Variants in CTNNA3 observed in about 807,000 individuals in gnomAD.
CTNNA3 encodes the protein catenin alpha-3.
In CTNNA3, 76 loss-of-function variants were observed where a neutral mutation model predicts 95.7. The ratio of observed to expected loss-of-function variants is 0.79; its 90% CI spans 0.66 to 0.96. CTNNA3 has a LOEUF of 0.96. CTNNA3 is among the 40% of genes least tolerant of loss of function. The pLI, the probability that CTNNA3 is intolerant of heterozygous loss-of-function variation, is 0.00. For missense variants in CTNNA3, 1,191 were observed against 1,089.8 expected (o/e 1.09, Z -1.31); for synonymous variants, 431 against 374.4 (o/e 1.15, Z -1.74).
chr10:67,589,330 ATCT>A (rs1842727314), intron 3 of CTNNA3, among the ~76,000 whole-genome samples: 1 of 152,136 alleles, frequency 6.6e-6, no homozygotes, highest in African/African-American at 2.4e-5. Context: ...CCCAGGACAT[ATCT>A]TATTTATTTT....
At chr10:67,444,839 T>C (rs182607022) in intron 5 of CTNNA3, among the ~76,000 whole-genome samples, 4 of 152,066 alleles carry the variant, frequency 2.6e-5, no homozygotes, top group Admixed American at 1.3e-4. Flanking sequence ...CTACCAAGAT[T>C]GAACCACAAG....
chr10:66,378,131 C>A (rs1383733062), intron 12 of CTNNA3, among the ~76,000 whole-genome samples: 1 of 152,150 alleles, frequency 6.6e-6, no homozygotes, highest in Non-Finnish European at 1.5e-5. Flanking sequence ...GACCTAGTCT[C>A]TAGTGAATAT....
intron 7 of CTNNA3, among the ~76,000 whole-genome samples, chr10:66,804,116 T>G (rs1230440434): frequency 6.6e-6 from 1 of 152,014 alleles, no homozygotes; most frequent in Non-Finnish European, 1.5e-5. Flanking sequence ...TACTGCCTAC[T>G]ATAATTGGCT....
chr10:65,912,733 G>T lies in CTNNA3; in HGVS notation c.*7597C>A, dbSNP rs1396419573. ...ATCATTGATTCAGTTAAACACAAAAGACATGCAGGGTCTCAAACAAGGAGT... is the reference window on the plus strand; with the variant it reads ...ATCATTGATTCAGTTAAACACAAAATACATGCAGGGTCTCAAACAAGGAGT... On this transcript the variant is annotated 3_prime_UTR_variant, in exon 18 of 18. Transcript: ENST00000433211. 1.3e-5 allele frequency: 2 copies of T among 152,112 alleles called. No individual in the cohort carries two copies. Among genetic ancestry groups the T allele is most frequent in the East Asian group, 3.9e-4 (2 of 5,194 alleles). 9.4% of individuals were successfully genotyped at this position (152,112 alleles called of 1,614,324 possible).
At position 66,203,787 on chromosome 10, in the gene CTNNA3, G is replaced by A. The variant is rs2087584575; in HGVS notation, c.1884+76683C>T. Among the ~76,000 whole-genome samples, 3 of 152,048 alleles carry A rather than the reference G, an allele frequency of 2.0e-5. No individual in the cohort carries two copies. In the South Asian group the frequency reaches 6.2e-4, roughly 31 times the overall value. On this transcript the variant is annotated intron_variant, in intron 13 of 17. Transcript: ENST00000433211. ...TTTTAGCATAATTTATTCATTAACT[G>A]AAATTCAAATGTAAATCAAGGTTTT...
intron 7 of CTNNA3, among the ~76,000 whole-genome samples, chr10:67,013,289 A>C (rs1464381417): frequency 6.6e-6 from 1 of 151,728 alleles, no homozygotes; most frequent in Non-Finnish European, 1.5e-5. Context: ...TTCAAAATTA[A>C]AGTTGTATAT....
At chr10:66,814,266 GAAAA>G (rs71035182) in intron 7 of CTNNA3, among the ~76,000 whole-genome samples, 3 of 137,120 alleles carry the variant, frequency 2.2e-5, no homozygotes, top group African/African-American at 2.7e-5. Context: ...AAGGAGGAAA[GAAAA>G]AAAAAAAAAA....
intron 12 of CTNNA3, among the ~76,000 whole-genome samples, chr10:66,372,926 T>C (rs1003378041): frequency 2.6e-5 from 4 of 152,164 alleles, no homozygotes; most frequent in African/African-American, 9.7e-5. Flanking sequence ...AAAATGAGAT[T>C]TGGGTGGGGA....
At position 67,246,872 on chromosome 10, in the gene CTNNA3, T is replaced by C. The variant is rs146391581; in HGVS notation, c.580-27002A>G. Among the ~76,000 whole-genome samples the C allele has an allele frequency of 1.1e-4, 17 of 152,240 alleles. 1 individual carries two copies. In the East Asian group the frequency reaches 2.9e-3, roughly 26 times the overall value. On this transcript the variant is annotated intron_variant, in intron 5 of 17. Coordinates refer to ENST00000433211, the MANE Select transcript of CTNNA3 (RefSeq NM_013266.4). ...AAGGAAAATGGCAGGACCTCAACAG[T>C]TGTCTAATTGTCCGGCTTATGTTCC...
intron 12 of CTNNA3, among the ~76,000 whole-genome samples, chr10:66,331,829 T>C (rs2132322383): frequency 6.6e-6 from 1 of 152,130 alleles, no homozygotes; most frequent in East Asian, 1.9e-4. Flanking sequence ...TTTTTTCCAA[T>C]TCTGTGAAGA....
intron 8 of CTNNA3, among the ~76,000 whole-genome samples, chr10:66,772,869 A>AT (rs911592716): frequency 1.3e-5 from 2 of 152,166 alleles, no homozygotes; most frequent in Non-Finnish European, 2.9e-5. Context: ...GGCTCTGCTT[A>AT]TTTTTTACTA....
intron 3 of CTNNA3, among the ~76,000 whole-genome samples, chr10:67,587,231 G>C (rs1010912607): frequency 4.6e-5 from 7 of 150,830 alleles, no homozygotes; most frequent in African/African-American, 1.7e-4. Context: ...GTGTGTGTGT[G>C]TGTGTGTGTG....
intron 7 of CTNNA3, among the ~76,000 whole-genome samples, chr10:66,830,519 C>T (rs186290849): frequency 6.6e-6 from 1 of 152,176 alleles, no homozygotes; most frequent in Non-Finnish European, 1.5e-5. Flanking sequence ...TCTGCTTCTA[C>T]TCGTGCTCCT....
chr10:67,154,740 T>C (rs1861225711), intron 7 of CTNNA3, among the ~76,000 whole-genome samples: 1 of 152,260 alleles, frequency 6.6e-6, no homozygotes, highest in East Asian at 1.9e-4. Flanking sequence ...ATGAGCTGTA[T>C]GGCCCAGCAT....
intron 1 of CTNNA3, among the ~76,000 whole-genome samples, chr10:67,741,310 A>C (rs1273535511): frequency 6.8e-6 from 1 of 147,798 alleles, no homozygotes; most frequent in Non-Finnish European, 1.5e-5. Context: ...AAAGTATAAT[A>C]ATAAAAAAAT....
At chr10:66,087,988 T>C (rs2081054211) in intron 14 of CTNNA3, among the ~76,000 whole-genome samples, 1 of 152,046 alleles carries the variant, frequency 6.6e-6, no homozygotes, top group Admixed American at 6.6e-5. Flanking sequence ...AGAGTATATA[T>C]ACTTTCTATT....
intron 13 of CTNNA3, among the ~76,000 whole-genome samples, chr10:66,183,385 G>A (rs529356591): frequency 1.4e-4 from 21 of 152,242 alleles, no homozygotes; most frequent in East Asian, 3.9e-4. Flanking sequence ...CCAACCTATC[G>A]TGAAGGTATA....
At chr10:67,382,034 G>C (rs905837308) in intron 5 of CTNNA3, among the ~76,000 whole-genome samples, 1 of 152,128 alleles carries the variant, frequency 6.6e-6, no homozygotes, top group African/African-American at 2.4e-5. Context: ...TAATCAAAAA[G>C]ATTTTTTTCC....
intron 7 of CTNNA3, among the ~76,000 whole-genome samples, chr10:66,871,228 T>C (rs1844390651): frequency 6.6e-6 from 1 of 152,052 alleles, no homozygotes; most frequent in South Asian, 2.1e-4. Context: ...ATCAGGTAAT[T>C]TGTATTCTCT....
Sources: allele counts gnomAD v4.1 joint callset (sites outside exome capture counted in the v4.1 genomes callset), GRCh38; gene constraint gnomAD v4.1.1; transcripts MANE v1.5; gene names NCBI Gene and HGNC (gene_info 2026-07-23, HGNC 2026-07-21).